Variants in MSRA observed in about 807,000 individuals in gnomAD.
MSRA encodes the protein mitochondrial peptide methionine sulfoxide reductase.
Under a neutral mutation model 31.3 loss-of-function variants are expected in MSRA, and 54 were observed. That is an observed-to-expected ratio of 1.73 (90% CI 1.39 to 2.17). The LOEUF is 2.17. Ranked by LOEUF, MSRA falls within the 30% of genes most tolerant of loss-of-function variation. MSRA has a pLI of 0.00. For synonymous variants in MSRA, 169 were observed against 116.5 expected, an observed-to-expected ratio of 1.45 and a Z score of -2.90; for missense variants, 507 against 300.9, an observed-to-expected ratio of 1.69 and a Z score of -5.07.
chr8:10,239,454 C>G (rs1341688145), intron 2 of MSRA, among the ~76,000 whole-genome samples: 2 of 152,254 alleles, frequency 1.3e-5, no homozygotes, highest in Non-Finnish European at 2.9e-5. Flanking sequence ...GCCACCACCC[C>G]TGGCTCGAAA....
intron 1 of MSRA, among the ~76,000 whole-genome samples, chr8:10,154,409 G>A (rs1489249263): frequency 6.6e-6 from 1 of 150,834 alleles, no homozygotes; most frequent in Non-Finnish European, 1.5e-5. Flanking sequence ...ACTGAGTCTT[G>A]CTCTGTCGCC....
chr8:10,078,969 G>C (rs1369208838), intron 1 of MSRA, among the ~76,000 whole-genome samples: 1 of 152,192 alleles, frequency 6.6e-6, no homozygotes, highest in Non-Finnish European at 1.5e-5. Context: ...GCCACACTTA[G>C]AAGCCGTGCT....
At chr8:10,299,219 A>G (rs1800710739) in intron 3 of MSRA, among the ~76,000 whole-genome samples, 1 of 152,122 alleles carries the variant, frequency 6.6e-6, no homozygotes, top group African/African-American at 2.4e-5. Context: ...AATTGAGAAG[A>G]AATAGCCTGT....
chr8:10,119,988 G>T (rs929012526), intron 1 of MSRA, among the ~76,000 whole-genome samples: 1 of 152,210 alleles, frequency 6.6e-6, no homozygotes, highest in East Asian at 1.9e-4. Flanking sequence ...GTATTGAACC[G>T]TGATATAGGA....
At chr8:10,395,499 T>C (rs1164230261) in intron 5 of MSRA, among the ~76,000 whole-genome samples, 1 of 152,144 alleles carries the variant, frequency 6.6e-6, no homozygotes. Flanking sequence ...TGGCCACAGA[T>C]GTATTTTAGA....
intron 5 of MSRA, among the ~76,000 whole-genome samples, chr8:10,338,178 G>A (rs1363595904): frequency 1.3e-5 from 2 of 152,190 alleles, no homozygotes; most frequent in Admixed American, 6.5e-5. Context: ...CCCCGAGAAA[G>A]CAATACTAGC....
intron 1 of MSRA, among the ~76,000 whole-genome samples, chr8:10,119,282 A>G (rs1800928626): frequency 6.6e-6 from 1 of 152,234 alleles, no homozygotes; most frequent in African/African-American, 2.4e-5. Flanking sequence ...TGAAATATGA[A>G]TGGGTCTTTG....
intron 5 of MSRA, among the ~76,000 whole-genome samples, chr8:10,351,108 C>G (rs1042958966): frequency 3.9e-5 from 6 of 152,206 alleles, no homozygotes; most frequent in African/African-American, 1.2e-4. Context: ...CAAGTGCAAC[C>G]TGAGATGCTT....
intron 2 of MSRA, among the ~76,000 whole-genome samples, chr8:10,225,577 G>A (rs1810926936): frequency 6.6e-6 from 1 of 152,180 alleles, no homozygotes; most frequent in African/African-American, 2.4e-5. Context: ...AAAAGTTTAG[G>A]TTTGAATAGA....
intron 1 of MSRA, among the ~76,000 whole-genome samples, chr8:10,178,502 C>T (rs998654352): frequency 6.6e-6 from 1 of 152,124 alleles, no homozygotes; most frequent in African/African-American, 2.4e-5. Flanking sequence ...AAACTGCTAT[C>T]ATCCATATTG....
At chr8:10,199,343 C>T (rs569266277) in intron 1 of MSRA, among the ~76,000 whole-genome samples, 16 of 152,246 alleles carry the variant, frequency 1.1e-4, no homozygotes, top group African/African-American at 3.4e-4. Context: ...TTTTTTGAGA[C>T]GCATTCTCAC....
intron 3 of MSRA, among the ~76,000 whole-genome samples, chr8:10,257,519 G>A (rs1047851257): frequency 2.0e-5 from 3 of 152,210 alleles, no homozygotes; most frequent in Admixed American, 6.5e-5. Context: ...CGATTCTCCT[G>A]CCTCAGCCTC....
intron 3 of MSRA, among the ~76,000 whole-genome samples, chr8:10,290,652 A>G (rs1455853707): frequency 1.3e-5 from 2 of 152,136 alleles, no homozygotes; most frequent in African/African-American, 2.4e-5. Flanking sequence ...AGAGTTCCAC[A>G]AGGATTTCTA....
At chr8:10,246,076 C>A (rs1338564054) in intron 3 of MSRA, among the ~76,000 whole-genome samples, 1 of 151,708 alleles carries the variant, frequency 6.6e-6, no homozygotes, top group Non-Finnish European at 1.5e-5. Flanking sequence ...GACTTATAGG[C>A]CAAATCCCAC....
chr8:10,376,024 C>G (rs1035807521), intron 5 of MSRA, among the ~76,000 whole-genome samples: 2 of 152,164 alleles, frequency 1.3e-5, no homozygotes, highest in African/African-American at 4.8e-5. Flanking sequence ...AGGTTCAGGA[C>G]TTTCCTCTGA....
At chr8:10,282,707 C>G (rs923187106) in intron 3 of MSRA, among the ~76,000 whole-genome samples, 3 of 152,126 alleles carry the variant, frequency 2.0e-5, no homozygotes, top group Non-Finnish European at 4.4e-5. Context: ...ACCTCCAGAC[C>G]TTATCACTAC....
intron 5 of MSRA, among the ~76,000 whole-genome samples, chr8:10,321,867 A>C (rs922924743): frequency 1.3e-5 from 2 of 152,190 alleles, no homozygotes; most frequent in Admixed American, 1.3e-4. Flanking sequence ...TTACAGCGTC[A>C]TGAAGGACTT....
At chr8:10,100,251 C>T (rs1293627422) in intron 1 of MSRA, among the ~76,000 whole-genome samples, 1 of 152,060 alleles carries the variant, frequency 6.6e-6, no homozygotes, top group African/African-American at 2.4e-5. Flanking sequence ...GGGTCTTTGT[C>T]CTGGGAGGTT....
intron 5 of MSRA, among the ~76,000 whole-genome samples, chr8:10,348,682 G>C (rs927582765): frequency 1.3e-5 from 2 of 151,994 alleles, no homozygotes; most frequent in African/African-American, 4.8e-5. Flanking sequence ...CTTTTCTTTA[G>C]TAGAAGTTCA....
Sources: allele counts gnomAD v4.1 joint callset (sites outside exome capture counted in the v4.1 genomes callset), GRCh38; gene constraint gnomAD v4.1.1; transcripts MANE v1.5; gene names NCBI Gene and HGNC (gene_info 2026-07-23, HGNC 2026-07-21).